PPP1CA: variants seen among roughly 807,000 people sequenced by gnomAD.
PPP1CA encodes serine/threonine-protein phosphatase PP1-alpha catalytic subunit.
In PPP1CA, 14 loss-of-function variants were observed where a neutral mutation model predicts 38.5. That is an observed-to-expected ratio of 0.36 (90% CI 0.24 to 0.57). The LOEUF is 0.57. Among genes scored for constraint, PPP1CA ranks in the 20% least tolerant of loss-of-function variants. The probability of loss-of-function intolerance (pLI) is 0.80; values close to 1 mark genes in which losing one functional copy is unlikely to be tolerated. For synonymous variants in PPP1CA, 200 were observed against 177.3 expected (o/e 1.13, Z -1.02); for missense variants, 277 against 435.2 (o/e 0.64, Z 3.23).
At chr11:67,399,424 G>T in intron 4 of PPP1CA, 137 bp downstream of exon 4, 1 of 790,548 alleles carries the variant, frequency 1.3e-6, no homozygotes, top group Non-Finnish European at 2.1e-6. Context: ...CATCAAGGAA[G>T]TGAGTGCAGC....
Position 67,401,711 on chromosome 11 carries a change from C to A in PPP1CA, c.55+17G>T. ...GCCAGGGCGCGGCGGACGCGGGCCT[C>A]CCCCGCCCCGACCAACCTTCCAGCA... is the stretch of plus-strand genomic sequence containing the variant. On this transcript the variant is annotated intron_variant, in intron 1 of 6. Coordinates refer to ENST00000376745, the MANE Select transcript of PPP1CA (RefSeq NM_002708.4). 1.4e-6 allele frequency: 2 copies of A among 1,445,932 alleles called. No individual in the cohort carries two copies. The highest frequency in any genetic ancestry group is 2.2e-5 in the Admixed American group (1 of 45,532). 89.6% of individuals were successfully genotyped at this position (1,445,932 alleles called of 1,614,324 possible).
intron 4 of PPP1CA, 124 bp from the exon 5 acceptor site, chr11:67,399,287 G>A (rs933008376): frequency 3.0e-5 from 28 of 936,858 alleles, no homozygotes; most frequent in Non-Finnish European, 4.2e-5. Context: ...TGGGCGCCTA[G>A]ACAGGCAGAA....
chr11:67,398,534 G>A lies in PPP1CA; in HGVS notation c.*1C>T. On this transcript the variant is annotated 3_prime_UTR_variant, in exon 7 of 7. Transcript: ENST00000376745. ...CTGGGGCACAGGGTGGTGTGCGGGG[G>A]CTATTTCTTGGCTTTGGCGGAATTG... 6.2e-6 allele frequency: 10 copies of A among 1,613,482 alleles called. No homozygotes were observed. Among genetic ancestry groups the A allele is most frequent in the Non-Finnish European group, 8.5e-6 (10 of 1,179,532 alleles).
chr11:67,400,963 C>G, intron 2 of PPP1CA, 44 bp from the exon 3 acceptor site: 1 of 1,610,574 alleles, frequency 6.2e-7, no homozygotes, highest in Non-Finnish European at 8.5e-7. Flanking sequence ...AGGTCTAGAC[C>G]TGAACCCAGG....
Position 67,400,902 on chromosome 11 carries a change from A to G in PPP1CA, c.205T>C (p.Tyr69His). ...LKICGDIHGQYYDLLRLFEYG... is the reference protein window; with the variant it reads ...LKICGDIHGQHYDLLRLFEYG... ...TCAAATAGTCGCAGAAGGTCGTAGT[A>G]CTGGCCGTGTATGTCACCTGTGACC... The change falls in exon 3 of 7, where the codon TAC becomes CAC. Residue 69 changes from tyrosine to histidine, a missense_variant. Tyr to His is a moderately conservative substitution (Grantham distance 83). Transcript: ENST00000376745. The G allele has an allele frequency of 6.2e-7, 1 of 1,614,070 alleles. No homozygotes were observed. The highest frequency in any genetic ancestry group is 8.5e-7 in the Non-Finnish European group (1 of 1,179,996).
At chr11:67,399,247 A>ACCACCCTCCTGGTCCCG (rs1419644127) in intron 4 of PPP1CA, 84 bp from the exon 5 acceptor site, 2 of 1,227,284 alleles carry the variant, frequency 1.6e-6, no homozygotes, top group African/African-American at 3.0e-5. Flanking sequence ...CACCTTTCCC[A>ACCACCCTCCTGGTCCCG]CCACCCTCCT....
At chr11:67,399,483 A>T in intron 4 of PPP1CA, 78 bp downstream of exon 4, 31 of 1,312,498 alleles carry the variant, frequency 2.4e-5, no homozygotes, top group Non-Finnish European at 3.4e-5. Flanking sequence ...GTGACTTCCC[A>T]GATGAGACCT....
intron 4 of PPP1CA, 92 bp from the exon 5 acceptor site, chr11:67,399,255 C>A (rs1862826330): frequency 8.7e-7 from 1 of 1,152,074 alleles, no homozygotes; most frequent in African/African-American, 1.5e-5. Flanking sequence ...CCACCACCCT[C>A]CTGGTCCCGC....
At chr11:67,399,735 G>T in intron 3 of PPP1CA, 70 bp from the exon 4 acceptor site, 3 of 1,308,616 alleles carry the variant, frequency 2.3e-6, no homozygotes, top group Non-Finnish European at 3.3e-6. Flanking sequence ...GGGCTATTCA[G>T]CCGTGGCTGG....
rs201529562 is a variant in PPP1CA at position 67,398,932 on chromosome 11, C to A, written c.747+8G>T. On this transcript the variant is annotated splice_region_variant and intron_variant, in intron 5 of 6. Transcript: ENST00000376745. ...TTCCCCTGCCGCAGGCCGGAGCCAC[C>A]AGCCCACCTGGTGTGCTCGGCAGAT... 596 of 1,613,078 alleles carry A rather than the reference C, an allele frequency of 3.7e-4. No individual in the cohort carries two copies. Among genetic ancestry groups the A allele is most frequent in the Admixed American group, 5.8e-4 (35 of 60,036 alleles).
At chr11:67,401,250 G>C (rs1289820454) in intron 1 of PPP1CA, 51 bp from the exon 2 acceptor site, 1 of 1,606,468 alleles carries the variant, frequency 6.2e-7, no homozygotes, top group African/African-American at 1.3e-5. Flanking sequence ...GAGGAGGGTG[G>C]GCGACACGGG....
chr11:67,398,838 C>G lies in PPP1CA; in HGVS notation c.766G>C (p.Glu256Gln). The G allele has an allele frequency of 6.2e-7, 1 of 1,613,140 alleles. No homozygotes were observed. The part of the protein sequence containing the change: ...RAHQVVEDGY[E>Q]FFAKRQLVTL... Reference sequence around the variant, plus strand: ...ACCAGCTGCCGCTTGGCAAAGAACTCGTAGCCGTCTTCTACCACCTGGGCG... The same window carrying G: ...ACCAGCTGCCGCTTGGCAAAGAACTGGTAGCCGTCTTCTACCACCTGGGCG... Residue 256 changes from glutamate (E) to glutamine (Q), a missense_variant, in exon 6 of 7, where the codon GAG becomes CAG. Transcript: ENST00000376745.
chr11:67,398,354 G>A lies in PPP1CA; in HGVS notation c.*181C>T. ...CAGTCACCGCAGGTGCAGGCAGGAA[G>A]CAGCCCTGGGGGACTGGACGCTGCT... On this transcript the variant is annotated 3_prime_UTR_variant, in exon 7 of 7. Coordinates refer to ENST00000376745, the MANE Select transcript of PPP1CA (RefSeq NM_002708.4). 1 of 655,830 alleles carries A rather than the reference G, an allele frequency of 1.5e-6. No individual in the cohort carries two copies. The highest frequency in any genetic ancestry group is 2.5e-6 in the Non-Finnish European group (1 of 393,820). 40.6% of individuals were successfully genotyped at this position (655,830 alleles called of 1,614,324 possible). A position where few individuals can be genotyped will look rare whatever the true frequency, so the allele number is the denominator to read the frequency against.
chr11:67,398,564 G>A lies in PPP1CA; in HGVS notation c.964C>T (p.Pro322Ser), dbSNP rs913302876. The change falls in exon 7 of 7, where the codon CCC (proline) becomes TCC (serine). Residue 322 changes from proline (P) to serine (S), a missense_variant. This residue lies in a region of PPP1CA where 53 missense variants were observed against 51.1 expected (regional missense o/e 1.04). Coordinates refer to ENST00000376745, the MANE Select transcript of PPP1CA (RefSeq NM_002708.4). ...LNPGGRPITP[P>S]RNSAKAKK The stretch of plus-strand genomic sequence containing the variant: ...TTCTTGGCTTTGGCGGAATTGCGGG[G>A]TGGGGTGATGGGTCGGCCTCCAGGG... The A allele has an allele frequency of 6.2e-7, 1 of 1,614,118 alleles. No homozygotes were observed. Among genetic ancestry groups the A allele is most frequent in the Non-Finnish European group, 8.5e-7 (1 of 1,179,988 alleles).
chr11:67,399,212 C>G, intron 4 of PPP1CA, 49 bp from the exon 5 acceptor site: 1 of 1,549,412 alleles, frequency 6.5e-7, no homozygotes, highest in African/African-American at 1.4e-5. Context: ...CATCCTCCCT[C>G]CAGGAAGCCT....
chr11:67,401,535 G>A (rs1862890315), intron 1 of PPP1CA, 193 bp downstream of exon 1: 1 of 548,788 alleles, frequency 1.8e-6, no homozygotes, highest in South Asian at 3.4e-5. Context: ...GGAGAGGGGG[G>A]GAGCTGCTCC....
At chr11:67,401,447 A>T in intron 1 of PPP1CA, 1 of 658,394 alleles carries the variant, frequency 1.5e-6, no homozygotes, top group Non-Finnish European at 2.5e-6. Context: ...CTCACAGCGC[A>T]GGACCCCTTC....
rs1016779857 is a variant in PPP1CA, at chr11:67,399,576, A to T, written c.508T>A (p.Phe170Ile). ...CCTCCCTCACCTCCGTGGCAGCAGA[A>T]GATCTTTTCGTCCACTATGGCCGCG... ...PIAAIVDEKI[F>I]CCHGGLSPDL... Residue 170 changes from phenylalanine to isoleucine, a missense_variant, in exon 4 of 7, where the codon TTC (phenylalanine) becomes ATC (isoleucine). Physicochemically the swap from Phe to Ile is conservative, Grantham distance 21. Coordinates refer to ENST00000376745, the MANE Select transcript of PPP1CA (RefSeq NM_002708.4). The T allele has an allele frequency of 1.2e-6, 2 of 1,614,088 alleles. No individual in the cohort carries two copies. Among genetic ancestry groups the T allele is most frequent in the Non-Finnish European group, 8.5e-7 (1 of 1,179,976 alleles).
intron 1 of PPP1CA, chr11:67,401,418 G>C: frequency 1.3e-6 from 1 of 765,196 alleles, no homozygotes; most frequent in Non-Finnish European, 2.0e-6. Context: ...GTCGTGCGCA[G>C]GGGGCTGCCA....
Sources: gnomAD v4.1 joint callset for allele counts on GRCh38, gnomAD v4.1.1 for gene constraint, gnomAD v4.1.1 regional missense constraint, MANE v1.5 for transcripts, NCBI Gene and HGNC (gene_info 2026-07-23, HGNC 2026-07-21) for gene names.